AOX1: variants seen among roughly 807,000 people sequenced by gnomAD.
AOX1 encodes aldehyde oxidase.
A neutral mutation model predicts 169.5 loss-of-function variants in AOX1; 153 were observed. The observed-to-expected ratio is 0.90, with a 90% confidence interval of 0.79 to 1.03. The LOEUF is 1.03. AOX1 is among the 50% of genes least tolerant of loss of function. The pLI, the probability that AOX1 is intolerant of heterozygous loss-of-function variation, is 0.00. For missense variants in AOX1, 1,656 were observed against 1,663.9 expected (o/e 1.00, Z 0.08); for synonymous variants, 562 against 581.9 (o/e 0.97, Z 0.49).
chr2:200,618,427 T>G (rs2034813834), intron 16 of AOX1, among the ~76,000 whole-genome samples: 1 of 152,230 alleles, frequency 6.6e-6, no homozygotes, highest in Non-Finnish European at 1.5e-5. Context: ...CACACATGTC[T>G]TATACCAAGT....
intron 18 of AOX1, 75 bp from the exon 19 acceptor site, chr2:200,623,785 AG>A (rs2034939690): frequency 6.2e-7 from 1 of 1,603,294 alleles, no homozygotes; most frequent in Admixed American, 1.7e-5. Context: ...GAGTACTAGG[AG>A]GGAGGAAGAA....
chr2:200,627,597 GT>G, intron 20 of AOX1, 148 bp downstream of exon 20: 1 of 613,052 alleles, frequency 1.6e-6, no homozygotes, highest in Non-Finnish European at 2.9e-6. Context: ...TCACAAATGT[GT>G]TTCCCTCCGT....
chr2:200,597,565 T>C, intron 4 of AOX1, 60 bp downstream of exon 4: 1 of 1,311,738 alleles, frequency 7.6e-7, no homozygotes, highest in Non-Finnish European at 1.1e-6. Flanking sequence ...TGACATTGAG[T>C]CCCTGAGATT....
intron 25 of AOX1, among the ~76,000 whole-genome samples, chr2:200,643,722 T>C (rs775679884): frequency 6.6e-6 from 1 of 152,200 alleles, no homozygotes; most frequent in Non-Finnish European, 1.5e-5. Flanking sequence ...CAACATGTAC[T>C]GTTTTTTGAT....
chr2:200,642,452 C>T (rs1172053774), intron 24 of AOX1, among the ~76,000 whole-genome samples, 158 bp from the exon 25 acceptor site: 1 of 148,066 alleles, frequency 6.8e-6, no homozygotes, highest in Non-Finnish European at 1.5e-5. Flanking sequence ...AATTATTTTA[C>T]AGCAAAAAAT....
chr2:200,634,603 G>T (rs1053835595), intron 20 of AOX1, among the ~76,000 whole-genome samples, 188 bp from the exon 21 acceptor site: 1 of 152,162 alleles, frequency 6.6e-6, no homozygotes, highest in African/African-American at 2.4e-5. Context: ...AGACACAAAA[G>T]ATTCTCCTAT....
chr2:200,635,059 CT>C, intron 21 of AOX1, 144 bp downstream of exon 21: 5 of 918,592 alleles, frequency 5.4e-6, no homozygotes, highest in Non-Finnish European at 8.2e-6. Flanking sequence ...CTTCAGTGAT[CT>C]ATGATCACAC....
chr2:200,669,774 T>A, intron 34 of AOX1, 32 bp downstream of exon 34: 1 of 1,601,360 alleles, frequency 6.2e-7, no homozygotes, highest in Non-Finnish European at 8.5e-7. Context: ...AAAATAGTGA[T>A]CATAAAATTC....
rs1446033393 is a variant in AOX1, at chr2:200,638,312, A to C, written c.2568+10A>C. 6.2e-7 allele frequency: 1 copy of C among 1,611,670 alleles called. No individual in the cohort carries two copies. The highest frequency in any genetic ancestry group is 1.3e-5 in the African/African-American group (1 of 74,892). On this transcript the variant is annotated intron_variant, in intron 23 of 34. Transcript: ENST00000374700. ...CCTTGGAAAGTACAAAGTGAGTACA[A>C]GAGGGCATGGAGGAAGGATTTATGT...
At chr2:200,619,745 A>C (rs1165832352) in intron 16 of AOX1, among the ~76,000 whole-genome samples, 1 of 152,110 alleles carries the variant, frequency 6.6e-6, no homozygotes, top group African/African-American at 2.4e-5. Context: ...GTGGATCATT[A>C]CTCCAATTGC....
At chr2:200,592,439 T>C (rs890531496) in intron 1 of AOX1, among the ~76,000 whole-genome samples, 1 of 152,168 alleles carries the variant, frequency 6.6e-6, no homozygotes, top group African/African-American at 2.4e-5. Context: ...CCAAAAGAAA[T>C]GTCAAATTTT....
In AOX1 at chr2:200,586,097, G is replaced by A. The variant is rs779249766; in HGVS notation, c.-12G>A. The A allele has an allele frequency of 1.3e-5, 20 of 1,555,116 alleles. No homozygotes were observed. Among genetic ancestry groups the A allele is most frequent in the Middle Eastern group, 2.3e-4 (1 of 4,392 alleles). On this transcript the variant is annotated 5_prime_UTR_variant, in exon 1 of 35. Transcript: ENST00000374700. Reference sequence around the variant, plus strand: ...TCCCGCTCCGGGCCCTCGAACCAGCGCGGACACCACAATGGACCGGGCGTC... The same window carrying A: ...TCCCGCTCCGGGCCCTCGAACCAGCACGGACACCACAATGGACCGGGCGTC...
Position 200,599,729 on chromosome 2 carries a change from T to G in AOX1, c.419T>G (p.Leu140Ter), listed in dbSNP as rs760056523. ...RNHPEPTLDQ[L>*]TDALGGNLCR... is the part of the protein sequence containing the mutation. ...CACCCAGAGCCCACTCTGGATCAGT[T>G]AACTGATGCCCTTGGTGGTAGGTTA... The change falls in exon 5 of 35, where the codon TTA (leucine) becomes TGA (stop). Residue 140 changes from leucine (L) to a stop codon, truncating the protein, a stop_gained. Coordinates refer to ENST00000374700, the MANE Select transcript of AOX1 (RefSeq NM_001159.4). LOFTEE classifies it high-confidence loss of function. 6.2e-7 allele frequency: 1 copy of G among 1,601,406 alleles called. No individual in the cohort carries two copies. Among genetic ancestry groups the G allele is most frequent in the Non-Finnish European group, 8.5e-7 (1 of 1,173,098 alleles).
At chr2:200,651,915 G>A (rs1233821627) in intron 26 of AOX1, among the ~76,000 whole-genome samples, 1 of 152,142 alleles carries the variant, frequency 6.6e-6, no homozygotes, top group African/African-American at 2.4e-5. Context: ...TTGTATGGCA[G>A]CCGGGAACCC....
In AOX1 at chr2:200,636,969, G is replaced by A. The variant is rs113582006; in HGVS notation, c.2405G>A (p.Arg802His). Residue 802 changes from arginine to histidine, a missense_variant, in exon 22 of 35, where the codon CGT (arginine) becomes CAT (histidine). Arg to His is a conservative substitution (Grantham distance 29, BLOSUM62 0). Transcript: ENST00000374700. Reference sequence around the variant, plus strand: ...AACAAGGTCATGTGCCATGTAAGGCGTGTTGGTGGAGCGTTTGGAGGGAAG... The same window carrying A: ...AACAAGGTCATGTGCCATGTAAGGCATGTTGGTGGAGCGTTTGGAGGGAAG... Reference protein sequence around the residue: ...PANKVMCHVRRVGGAFGGKVL... With the variant: ...PANKVMCHVRHVGGAFGGKVL... 2.6e-5 allele frequency: 42 copies of A among 1,614,122 alleles called. No homozygotes were observed. The highest frequency in any genetic ancestry group is 1.5e-4 in the Admixed American group (9 of 60,022).
intron 30 of AOX1, among the ~76,000 whole-genome samples, chr2:200,662,521 G>T (rs994550293): frequency 6.6e-6 from 1 of 152,114 alleles, no homozygotes; most frequent in East Asian, 1.9e-4. Context: ...ATAGCGTTTG[G>T]TGTAAAATGA....
At chr2:200,608,547 G>C (rs900923077) in intron 10 of AOX1, among the ~76,000 whole-genome samples, 1 of 152,146 alleles carries the variant, frequency 6.6e-6, no homozygotes, top group African/African-American at 2.4e-5. Context: ...CAGATCTTAG[G>C]CAAGTTACTC....
Position 200,586,050 on chromosome 2 carries a change from G to A in AOX1, c.-59G>A. ...CGGTGCCGCCGGGTCCCAGGTGCCC[G>A]CTACTTCCCAGAACCTCCGCCTCCC... On this transcript the variant is annotated 5_prime_UTR_variant, in exon 1 of 35. Coordinates refer to ENST00000374700, the MANE Select transcript of AOX1 (RefSeq NM_001159.4). 3.9e-6 allele frequency: 6 copies of A among 1,542,272 alleles called. No homozygotes were observed. The highest frequency in any genetic ancestry group is 5.2e-6 in the Non-Finnish European group (6 of 1,143,980).
chr2:200,617,481 CAAA>C (rs35035526), intron 16 of AOX1, among the ~76,000 whole-genome samples: 17 of 58,188 alleles, frequency 2.9e-4, no homozygotes, highest in African/African-American at 8.1e-4. Context: ...CAACTAACTG[CAAA>C]AAAAAAAAAA....
Sources: allele counts gnomAD v4.1 joint callset (sites outside exome capture counted in the v4.1 genomes callset), GRCh38; gene constraint gnomAD v4.1.1; transcripts MANE v1.5; gene names NCBI Gene and HGNC (gene_info 2026-07-23, HGNC 2026-07-21).